LTBP1: variants seen among roughly 807,000 people sequenced by gnomAD.
LTBP1 encodes latent transforming growth factor beta binding protein 1, also known as latent-transforming growth factor beta-binding protein 1.
LTBP1 carries 129 observed loss-of-function variants against 207.6 expected under a neutral mutation model. The observed-to-expected ratio is 0.62, with a 90% CI of 0.54 to 0.72. LTBP1 has a LOEUF of 0.72. Ranked by LOEUF, LTBP1 falls within the 30% of genes least tolerant of loss-of-function variation. The pLI is 0.00. For missense variants in LTBP1, 2,281 were observed against 2,217.2 expected, an observed-to-expected ratio of 1.03 and a Z score of -0.58; for synonymous variants, 963 against 833.7, an observed-to-expected ratio of 1.16 and a Z score of -2.67.
intron 31 of LTBP1, among the ~76,000 whole-genome samples, chr2:33,377,281 C>A (rs2150323356): frequency 6.6e-6 from 1 of 152,280 alleles, no homozygotes; most frequent in South Asian, 2.1e-4. Flanking sequence ...ACCAGTGGAC[C>A]TTGCTAGACT....
chr2:33,308,480 C>T (rs2094132718), intron 22 of LTBP1, among the ~76,000 whole-genome samples: 2 of 152,040 alleles, frequency 1.3e-5, no homozygotes, highest in Non-Finnish European at 2.9e-5. Context: ...CTTCCGACTC[C>T]CCCATATTCT....
chr2:33,135,790 T>G (rs1487990233), intron 5 of LTBP1, among the ~76,000 whole-genome samples: 2 of 152,212 alleles, frequency 1.3e-5, no homozygotes. Flanking sequence ...CGCAGAAAAA[T>G]GTCTTTTATT....
intron 3 of LTBP1, among the ~76,000 whole-genome samples, chr2:33,103,707 A>T (rs1187662032): frequency 6.6e-6 from 1 of 150,702 alleles, no homozygotes; most frequent in Non-Finnish European, 1.5e-5. Context: ...GCCCTTGAGC[A>T]CTCTCCAGGG....
intron 23 of LTBP1, among the ~76,000 whole-genome samples, chr2:33,313,787 G>A (rs1289287757): frequency 6.6e-6 from 1 of 152,180 alleles, no homozygotes; most frequent in African/African-American, 2.4e-5. Flanking sequence ...ACCCTGCAAT[G>A]TACCCAATAG....
At chr2:33,389,972 T>G (rs2095301522) in intron 32 of LTBP1, among the ~76,000 whole-genome samples, 1 of 152,214 alleles carries the variant, frequency 6.6e-6, no homozygotes, top group South Asian at 2.1e-4. Flanking sequence ...ATCATTTCTC[T>G]TCTCTTTAAG....
At chr2:33,388,627 G>A (rs2095288242) in intron 31 of LTBP1, among the ~76,000 whole-genome samples, 1 of 152,126 alleles carries the variant, frequency 6.6e-6, no homozygotes, top group South Asian at 2.1e-4. Flanking sequence ...TTATTATCGT[G>A]ATTATTATGA....
At chr2:32,955,641 T>A (rs1363970256) in intron 2 of LTBP1, among the ~76,000 whole-genome samples, 1 of 151,314 alleles carries the variant, frequency 6.6e-6, no homozygotes, top group African/African-American at 2.4e-5. Context: ...TTTTTTTTAA[T>A]TACAAAATTT....
intron 5 of LTBP1, among the ~76,000 whole-genome samples, chr2:33,175,144 A>G (rs2085895530): frequency 6.6e-6 from 1 of 151,628 alleles, no homozygotes. Context: ...AACAAAAGCC[A>G]GAATTGACAA....
chr2:32,969,847 A>G (rs1227156793), intron 2 of LTBP1, among the ~76,000 whole-genome samples: 1 of 152,216 alleles, frequency 6.6e-6, no homozygotes, highest in Admixed American at 6.5e-5. Flanking sequence ...GAGATCGCCA[A>G]CTGATTTCCA....
At chr2:33,262,027 T>C (rs2148005504) in intron 13 of LTBP1, among the ~76,000 whole-genome samples, 1 of 152,314 alleles carries the variant, frequency 6.6e-6, no homozygotes, top group South Asian at 2.1e-4. Flanking sequence ...GCCTGAGCCC[T>C]GCACAGTTGT....
At chr2:33,333,634 T>C (rs1366767060) in intron 24 of LTBP1, among the ~76,000 whole-genome samples, 1 of 152,162 alleles carries the variant, frequency 6.6e-6, no homozygotes, top group Non-Finnish European at 1.5e-5. Flanking sequence ...TTTGCTGACA[T>C]GGTAAAAAAA....
chr2:32,959,844 C>T (rs1377227053), intron 2 of LTBP1, among the ~76,000 whole-genome samples: 2 of 151,500 alleles, frequency 1.3e-5, no homozygotes, highest in Non-Finnish European at 2.9e-5. Context: ...TGGTCTTGAA[C>T]TCCTGACCTC....
At chr2:33,027,128 TG>T (rs1178970018) in intron 3 of LTBP1, among the ~76,000 whole-genome samples, 1 of 152,228 alleles carries the variant, frequency 6.6e-6, no homozygotes, top group Non-Finnish European at 1.5e-5. Flanking sequence ...TACCACATCA[TG>T]TGAGTGTACC....
chr2:33,289,871 G>A (rs2093739587), intron 19 of LTBP1, among the ~76,000 whole-genome samples: 1 of 152,158 alleles, frequency 6.6e-6, no homozygotes, highest in Non-Finnish European at 1.5e-5. Flanking sequence ...TCAGGGAAAA[G>A]GCAACCATGG....
Position 33,274,968 on chromosome 2 carries a change from T to C in LTBP1, c.2747T>C (p.Ile916Thr), listed in dbSNP as rs147386369. The C allele has an allele frequency of 5.3e-5, 85 of 1,613,876 alleles. 2 individuals are homozygous for C. The Middle Eastern group carries it at 3.8e-3, about 72-fold the overall frequency. ...FSEQQRKCVD[I>T]DECTQVQHLC... Reference sequence around the variant, plus strand: ...TTATATGTATTTTTGTTAACAGATATTGATGAGTGTACTCAGGTCCAACAC... The same window carrying C: ...TTATATGTATTTTTGTTAACAGATACTGATGAGTGTACTCAGGTCCAACAC... The change falls in exon 17 of 34, where the codon ATT (isoleucine) becomes ACT (threonine). Residue 916 changes from isoleucine to threonine, a missense_variant. Around this residue, in one of 3 missense-constraint regions of LTBP1, gnomAD observed 1,671 missense variants for 1,634.8 expected, o/e 1.02. Transcript: ENST00000404816.
In LTBP1 at chr2:33,347,287, T is replaced by C. The variant is rs1282768620; in HGVS notation, c.3857-80T>C. ...CGCCTTCTTTTCAGCAAGACACTAT[T>C]AGCCCTGGCACAGCTGGTAAAATAG... On this transcript the variant is annotated intron_variant, in intron 25 of 33. Transcript: ENST00000404816. 3 of 1,545,152 alleles carry C rather than the reference T, an allele frequency of 1.9e-6. No homozygotes were observed. In the African/African-American group the frequency reaches 4.1e-5, roughly 21 times the overall value.
intron 15 of LTBP1, among the ~76,000 whole-genome samples, chr2:33,265,003 G>A (rs1052720962): frequency 1.1e-4 from 16 of 152,264 alleles, no homozygotes; most frequent in African/African-American, 2.6e-4. Flanking sequence ...GCATACCAGC[G>A]TCTGAGGGCA....
At position 33,239,901 on chromosome 2, in the gene LTBP1, CTTAA is replaced by C. The variant is rs1261992080; in HGVS notation, c.1877-3760_1877-3757del. 3.8e-5 allele frequency among the ~76,000 whole-genome samples: 4 copies of C among 106,204 alleles called. No homozygotes were observed. The Admixed American group carries it at 4.0e-4, about 10-fold the overall frequency. The allele number at this position is 106,204 out of a possible 152,430, so 69.7% of individuals were successfully genotyped here. ...CCTGTGTGACAGAGTAAGACTCCAT[CTTAA>C]ATAAATAAATAAATAAATAAATAAA... On this transcript the variant is annotated intron_variant, in intron 9 of 33. Transcript: ENST00000404816.
chr2:33,339,115 G>C (rs1419650768), intron 24 of LTBP1, among the ~76,000 whole-genome samples: 2 of 152,040 alleles, frequency 1.3e-5, no homozygotes, highest in Non-Finnish European at 2.9e-5. Flanking sequence ...AGATAGTAAA[G>C]ACGGCATGAC....
Sources: allele counts gnomAD v4.1 joint callset (sites outside exome capture counted in the v4.1 genomes callset), GRCh38; gene constraint gnomAD v4.1.1; regional missense constraint gnomAD v4.1.1; transcripts MANE v1.5; gene names NCBI Gene and HGNC (gene_info 2026-07-23, HGNC 2026-07-21).